IGF1: variants seen among roughly 807,000 people sequenced by gnomAD.
IGF1 encodes the protein insulin like growth factor 1.
A neutral mutation model predicts 13.8 loss-of-function variants in IGF1; 4 were observed. That is an observed-to-expected ratio of 0.29 (90% confidence interval 0.14 to 0.66). The LOEUF is 0.66. IGF1 is among the 30% of genes least tolerant of loss of function. IGF1 has a pLI of 0.78. For missense variants in IGF1, 124 were observed against 188.5 expected (o/e 0.66, Z 2.00); for synonymous variants, 76 against 72.6 (o/e 1.05, Z -0.23).
chr12:102,445,123 T>C (rs956822349), intron 2 of IGF1, among the ~76,000 whole-genome samples: 11 of 152,170 alleles, frequency 7.2e-5, no homozygotes, highest in Non-Finnish European at 1.0e-4. Context: ...AGTACCATGC[T>C]GTTTTGGTTA....
At chr12:102,475,820 G>A in intron 1 of IGF1, 21 bp from the exon 2 acceptor site, 2 of 1,604,986 alleles carry the variant, frequency 1.2e-6, no homozygotes, top group South Asian at 1.1e-5. Context: ...AACAGAGGGA[G>A]GGTCAGGTTT....
chr12:102,472,223 G>A (rs890774385), intron 2 of IGF1, among the ~76,000 whole-genome samples: 1 of 152,100 alleles, frequency 6.6e-6, no homozygotes, highest in East Asian at 1.9e-4. Flanking sequence ...GTCTAGGGAA[G>A]CTGCATTAAT....
At chr12:102,472,428 C>G (rs1453029373) in intron 2 of IGF1, among the ~76,000 whole-genome samples, 1 of 151,954 alleles carries the variant, frequency 6.6e-6, no homozygotes, top group East Asian at 1.9e-4. Flanking sequence ...TAAAAAAAAA[C>G]TCTCCTTGTT....
chr12:102,441,933 T>TCTCCTTCTCCTTCTC (rs1182729472), intron 2 of IGF1, among the ~76,000 whole-genome samples: 1 of 133,900 alleles, frequency 7.5e-6, no homozygotes, highest in Admixed American at 8.5e-5. Context: ...TTCTTCTTCT[T>TCTCCTTCTCCTTCTC]CTTCTTCTTC....
Position 102,475,671 on chromosome 12 carries a change from G to A in IGF1, c.192C>T (p.Phe64=), listed in dbSNP as rs760590942. 18 of 1,614,044 alleles carry A rather than the reference G, an allele frequency of 1.1e-5. No individual in the cohort carries two copies. Among genetic ancestry groups the A allele is most frequent in the Admixed American group, 3.3e-5 (2 of 60,002 alleles). ...CGAELVDALQ[F]VCGDRGFYFN... ...AATAAAAGCCCCTGTCTCCACACACGAACTGAAGAGCATCCACCAGCTCAG... is the reference window on the plus strand; with the variant it reads ...AATAAAAGCCCCTGTCTCCACACACAAACTGAAGAGCATCCACCAGCTCAG... Residue 64 remains phenylalanine (F), a synonymous_variant, in exon 2 of 4, where the codon TTC becomes TTT. Coordinates refer to ENST00000337514, the MANE Select transcript of IGF1 (RefSeq NM_000618.5).
chr12:102,420,922 A>C (rs148157798), intron 2 of IGF1, among the ~76,000 whole-genome samples: 1 of 152,202 alleles, frequency 6.6e-6, no homozygotes, highest in Non-Finnish European at 1.5e-5. Flanking sequence ...TTAAATCACA[A>C]GTCTATGTTT....
rs1873581158 is a variant in IGF1, at chr12:102,400,341, T to C, written c.*2166A>G. On this transcript the variant is annotated 3_prime_UTR_variant, in exon 4 of 4. Transcript: ENST00000337514. Reference sequence around the variant, plus strand: ...ATAATTCATTGTTCTAATGAGAAAATCTTGATCTGCAGATAGGGATCATTT... The same window carrying C: ...ATAATTCATTGTTCTAATGAGAAAACCTTGATCTGCAGATAGGGATCATTT... 6.6e-6 allele frequency: 1 copy of C among 152,052 alleles called. No individual in the cohort carries two copies. 9.4% of individuals were successfully genotyped at this position (152,052 alleles called of 1,614,324 possible).
chr12:102,428,936 G>A (rs1344362084), intron 2 of IGF1, among the ~76,000 whole-genome samples: 1 of 152,148 alleles, frequency 6.6e-6, no homozygotes, highest in African/African-American at 2.4e-5. Context: ...TGGGCTTCCA[G>A]ACAGGACATC....
At chr12:102,439,494 G>T (rs1877525113) in intron 2 of IGF1, among the ~76,000 whole-genome samples, 4 of 152,178 alleles carry the variant, frequency 2.6e-5, no homozygotes, top group Admixed American at 2.0e-4. Flanking sequence ...GCAGAGACAA[G>T]TACTATAACA....
At chr12:102,451,906 G>A (rs1412462885) in intron 2 of IGF1, among the ~76,000 whole-genome samples, 1 of 151,976 alleles carries the variant, frequency 6.6e-6, no homozygotes, top group South Asian at 2.1e-4. Flanking sequence ...GTTCTCATGC[G>A]ATCTAATGGT....
In IGF1 at chr12:102,450,685, C is replaced by A. The variant is rs749111862; in HGVS notation, c.220+24958G>T. On this transcript the variant is annotated intron_variant, in intron 2 of 3. Transcript: ENST00000337514. ...CTCATTTGGGAGACTTAAATAAGTT[C>A]TCTTGCTACATTTAATTTCATTTTC... 2.0e-4 allele frequency among the ~76,000 whole-genome samples: 31 copies of A among 152,220 alleles called. 1 individual carries two copies. Among genetic ancestry groups the A allele is most frequent in the Admixed American group, 7.9e-4 (12 of 15,282 alleles).
At chr12:102,413,672 G>C (rs1045282595) in intron 3 of IGF1, among the ~76,000 whole-genome samples, 7 of 152,082 alleles carry the variant, frequency 4.6e-5, no homozygotes, top group African/African-American at 1.7e-4. Flanking sequence ...TATTTATTTT[G>C]GCAATTTTAC....
chr12:102,457,377 A>G (rs778468631), intron 2 of IGF1, among the ~76,000 whole-genome samples: 2 of 152,204 alleles, frequency 1.3e-5, no homozygotes, highest in Non-Finnish European at 2.9e-5. Flanking sequence ...GGGGAACCTC[A>G]TGACTCCAGG....
chr12:102,461,467 T>C (rs1879889427), intron 2 of IGF1, among the ~76,000 whole-genome samples: 1 of 148,260 alleles, frequency 6.7e-6, no homozygotes, highest in African/African-American at 2.4e-5. Flanking sequence ...CTCAGACCCA[T>C]AAGAAATAAT....
At chr12:102,449,376 C>T (rs1399756426) in intron 2 of IGF1, among the ~76,000 whole-genome samples, 2 of 149,204 alleles carry the variant, frequency 1.3e-5, no homozygotes, top group Non-Finnish European at 1.5e-5. Context: ...AGGGGAACAT[C>T]ACACAGTGGG....
intron 1 of IGF1, among the ~76,000 whole-genome samples, chr12:102,479,855 A>G (rs1881296675): frequency 6.6e-6 from 1 of 152,202 alleles, no homozygotes; most frequent in Admixed American, 6.5e-5. Flanking sequence ...CCCTTCATAT[A>G]TAGCATGCCT....
intron 2 of IGF1, among the ~76,000 whole-genome samples, chr12:102,451,368 T>G (rs1331140536): frequency 6.6e-6 from 1 of 152,208 alleles, no homozygotes; most frequent in East Asian, 1.9e-4. Context: ...TCTATTTCAT[T>G]TGTTTACGCA....
intron 3 of IGF1, among the ~76,000 whole-genome samples, chr12:102,408,550 A>G (rs1874368742): frequency 6.6e-6 from 1 of 152,168 alleles, no homozygotes; most frequent in Non-Finnish European, 1.5e-5. Flanking sequence ...TGGTTAGCCC[A>G]GCATCACGTT....
At chr12:102,455,538 T>G (rs186784540) in intron 2 of IGF1, among the ~76,000 whole-genome samples, 1 of 152,324 alleles carries the variant, frequency 6.6e-6, no homozygotes, top group East Asian at 1.9e-4. Flanking sequence ...GAAACCAGAA[T>G]AGGGCATTTC....
Sources: gnomAD v4.1 joint callset for allele counts (sites outside exome capture counted in the v4.1 genomes callset) on GRCh38, gnomAD v4.1.1 for gene constraint, MANE v1.5 for transcripts, NCBI Gene and HGNC (gene_info 2026-07-23, HGNC 2026-07-21) for gene names.